Variants in MTHFSD observed in about 807,000 individuals in gnomAD.
MTHFSD encodes methenyltetrahydrofolate synthetase domain containing, also known as methenyltetrahydrofolate synthase domain-containing protein.
A neutral mutation model predicts 31.1 loss-of-function variants in MTHFSD; 37 were observed. The ratio of observed to expected loss-of-function variants is 1.19; its 90% CI spans 0.91 to 1.56. The LOEUF (loss-of-function observed/expected upper bound fraction) is 1.56, where lower values mean the gene tolerates loss of function less well. Ranked by LOEUF, MTHFSD falls within the 40% of genes most tolerant of loss-of-function variation. The pLI is 0.00. For missense variants in MTHFSD, 664 were observed against 510.1 expected, an observed-to-expected ratio of 1.30 and a Z score of -2.91; for synonymous variants, 221 against 206.9, an observed-to-expected ratio of 1.07 and a Z score of -0.59.
intron 3 of MTHFSD, among the ~76,000 whole-genome samples, chr16:86,548,949 T>A (rs1004155101): frequency 2.0e-5 from 3 of 152,212 alleles, no homozygotes; most frequent in Admixed American, 6.5e-5. Context: ...CAGCACCAAG[T>A]GCGACACAGT....
chr16:86,546,449 G>T, intron 5 of MTHFSD, 110 bp downstream of exon 5: 1 of 914,620 alleles, frequency 1.1e-6, no homozygotes, highest in Non-Finnish European at 1.8e-6. Context: ...CCAGGTAAGC[G>T]CATCCAGAAA....
At chr16:86,550,226 A>C (rs1273027028) in intron 3 of MTHFSD, among the ~76,000 whole-genome samples, 3 of 152,236 alleles carry the variant, frequency 2.0e-5, no homozygotes, top group Non-Finnish European at 4.4e-5. Flanking sequence ...AGGACCCTGA[A>C]AGCACCAGAA....
chr16:86,536,066 G>A (rs545987804), intron 7 of MTHFSD, among the ~76,000 whole-genome samples: 2 of 152,292 alleles, frequency 1.3e-5, no homozygotes, highest in South Asian at 4.1e-4. Flanking sequence ...TGTTTCTCAG[G>A]CTGGTCTTGA....
chr16:86,542,249 T>A lies in MTHFSD; in HGVS notation c.443-36A>T. On this transcript the variant is annotated intron_variant, in intron 5 of 7. Coordinates refer to ENST00000360900, the MANE Select transcript of MTHFSD (RefSeq NM_001159377.2). The surrounding 1 kb of genome is among the most constrained non-coding windows in gnomAD (Gnocchi z 4.6). ...ACCGAGAATCAGTATCGCTGTGCGG[T>A]CCGGGGCATCGCTGAGAAGTGGATT... is the stretch of plus-strand genomic sequence containing the variant. 6.4e-7 allele frequency: 1 copy of A among 1,554,992 alleles called. No homozygotes were observed. The highest frequency in any genetic ancestry group is 8.8e-7 in the Non-Finnish European group (1 of 1,133,042).
intron 7 of MTHFSD, among the ~76,000 whole-genome samples, chr16:86,539,080 T>A (rs1231066325): frequency 6.6e-6 from 1 of 152,192 alleles, no homozygotes; most frequent in Non-Finnish European, 1.5e-5. Context: ...GGAATGCATT[T>A]TAAGCCCCTT....
At chr16:86,532,580 G>A (rs1970119142) in intron 7 of MTHFSD, 99 bp from the exon 8 acceptor site, 8 of 989,012 alleles carry the variant, frequency 8.1e-6, no homozygotes, top group South Asian at 4.6e-5. Context: ...TGCTGCACAC[G>A]TGGACTGGAT....
At chr16:86,532,704 C>T (rs1970140356) in intron 7 of MTHFSD, 1 of 377,858 alleles carries the variant, frequency 2.6e-6, no homozygotes. Flanking sequence ...TAAGGGAAGT[C>T]AGCACTCACG....
intron 7 of MTHFSD, chr16:86,541,018 A>G: frequency 8.5e-7 from 1 of 1,174,890 alleles, no homozygotes; most frequent in South Asian, 1.6e-5. Context: ...ATTTGGGATT[A>G]AAGAATGGGA....
intron 2 of MTHFSD, among the ~76,000 whole-genome samples, chr16:86,552,485 T>C (rs1010067060): frequency 2.0e-5 from 3 of 152,126 alleles, no homozygotes; most frequent in African/African-American, 7.2e-5. Flanking sequence ...TTAACTGAAA[T>C]GAAACATGCA....
chr16:86,538,070 G>A (rs557792652), intron 7 of MTHFSD, among the ~76,000 whole-genome samples: 1 of 152,342 alleles, frequency 6.6e-6, no homozygotes, highest in East Asian at 1.9e-4. Flanking sequence ...GTCTGGTGAC[G>A]GGGACCACAG....
At position 86,554,655 on chromosome 16, in the gene MTHFSD, G is replaced by C. The variant is rs1181733195; in HGVS notation, c.113C>G (p.Pro38Arg). The C allele has an allele frequency of 1.2e-6, 2 of 1,612,912 alleles. No homozygotes were observed. The highest frequency in any genetic ancestry group is 1.3e-5 in the African/African-American group (1 of 74,844). ...DFPRPVHHRI[P>R]NFKGSYLACQ... ...GAAATATGTCAGTACCTTAAAGTTGGGTATCCTGTGATGAACAGGTCGGGG... is the reference window on the plus strand; with the variant it reads ...GAAATATGTCAGTACCTTAAAGTTGCGTATCCTGTGATGAACAGGTCGGGG... The change falls in exon 2 of 8, where the codon CCC (proline) becomes CGC (arginine). Residue 38 changes from proline (P) to arginine (R), a missense_variant. By Grantham distance (103) the Pro-to-Arg change is moderately radical. Coordinates refer to ENST00000360900, the MANE Select transcript of MTHFSD (RefSeq NM_001159377.2).
At chr16:86,538,395 G>A (rs571329734) in intron 7 of MTHFSD, among the ~76,000 whole-genome samples, 4 of 152,260 alleles carry the variant, frequency 2.6e-5, no homozygotes, top group Admixed American at 6.5e-5. Flanking sequence ...GTGCTCACTC[G>A]GGTCCAGCAG....
chr16:86,548,519 A>T lies in MTHFSD; in HGVS notation c.296T>A (p.Ile99Asn). The change falls in exon 4 of 8, where the codon ATC becomes AAC. Residue 99 changes from isoleucine (I) to asparagine (N), a missense_variant. Ile to Asn is a moderately radical substitution (Grantham distance 149, BLOSUM62 -3). Coordinates refer to ENST00000360900, the MANE Select transcript of MTHFSD (RefSeq NM_001159377.2). ...PRLRTGLFNK[I>N]TPPPGATKDI... is the part of the protein sequence containing the mutation. Reference sequence around the variant, plus strand: ...TTTAGTTGCCCCAGGGGGTGGTGTGATCTTATTAAACAATCCCGTTCTCAG... The same window carrying T: ...TTTAGTTGCCCCAGGGGGTGGTGTGTTCTTATTAAACAATCCCGTTCTCAG... 6.2e-7 allele frequency: 1 copy of T among 1,613,842 alleles called. No homozygotes were observed. Among genetic ancestry groups the T allele is most frequent in the Non-Finnish European group, 8.5e-7 (1 of 1,179,968 alleles).
At chr16:86,536,312 A>T (rs1970685584) in intron 7 of MTHFSD, among the ~76,000 whole-genome samples, 1 of 152,260 alleles carries the variant, frequency 6.6e-6, no homozygotes, top group Non-Finnish European at 1.5e-5. Flanking sequence ...GTATGCTCAG[A>T]GGAGAGCACA....
chr16:86,536,027 G>A (rs1010249930), intron 7 of MTHFSD, among the ~76,000 whole-genome samples: 1 of 152,168 alleles, frequency 6.6e-6, no homozygotes, highest in Non-Finnish European at 1.5e-5. Flanking sequence ...GCTAAGTTCT[G>A]TATTTTCAGT....
Position 86,532,398 on chromosome 16 carries a change from G to C in MTHFSD, c.765C>G (p.Leu255=), listed in dbSNP as rs564107454. Residue 255 remains leucine, a synonymous_variant, in exon 8 of 8, where the codon CTC becomes CTG. Transcript: ENST00000360900. ...CCGGAAGGTGCTGGTGCTCACCCTG[G>C]AGGGTGACATCCTTCCCAGCCTGCT... is the stretch of plus-strand genomic sequence containing the variant. ...REQQAGKDVT[L]QGEHQHLPEP... is the part of the protein sequence containing the mutation. 4.5e-6 allele frequency: 7 copies of C among 1,541,730 alleles called. No homozygotes were observed. The South Asian group carries it at 6.2e-5, about 14-fold the overall frequency.
intron 7 of MTHFSD, among the ~76,000 whole-genome samples, chr16:86,537,202 G>T (rs141980332): frequency 6.6e-6 from 1 of 152,306 alleles, no homozygotes; most frequent in Non-Finnish European, 1.5e-5. Flanking sequence ...AGAAACGTTT[G>T]AAATCCTATC....
chr16:86,554,502 C>T, intron 2 of MTHFSD, 143 bp downstream of exon 2: 1 of 684,542 alleles, frequency 1.5e-6, no homozygotes, highest in South Asian at 1.8e-5. Flanking sequence ...GACGCCCTGG[C>T]CAAATGGCTT....
At chr16:86,536,969 G>T (rs2143444502) in intron 7 of MTHFSD, among the ~76,000 whole-genome samples, 1 of 152,358 alleles carries the variant, frequency 6.6e-6, no homozygotes, top group East Asian at 1.9e-4. Context: ...TGAGTTTTAA[G>T]AACTGGCGCA....
Sources: allele counts gnomAD v4.1 joint callset (sites outside exome capture counted in the v4.1 genomes callset), GRCh38; gene constraint gnomAD v4.1.1; non-coding constraint Gnocchi (gnomAD v3.1); transcripts MANE v1.5; gene names NCBI Gene and HGNC (gene_info 2026-07-23, HGNC 2026-07-21).